The following EXOC4 variants were observed in gnomAD, a reference collection of about 807,000 sequenced individuals.
The protein encoded by EXOC4 is SEC8-like 1.
In EXOC4, 71 loss-of-function variants were observed where a neutral mutation model predicts 107.2. The ratio of observed to expected loss-of-function variants is 0.66; its 90% confidence interval spans 0.55 to 0.81. The LOEUF (loss-of-function observed/expected upper bound fraction) is 0.81. EXOC4 is among the 30% of genes least tolerant of loss of function. The pLI is 0.00. For synonymous variants in EXOC4, 456 were observed against 441.2 expected (o/e 1.03, Z -0.42); for missense variants, 1,108 against 1,189.6 (o/e 0.93, Z 1.01).
At chr7:133,434,876 C>G (rs559107944) in intron 7 of EXOC4, among the ~76,000 whole-genome samples, 1 of 151,922 alleles carries the variant, frequency 6.6e-6, no homozygotes, top group Non-Finnish European at 1.5e-5. Flanking sequence ...TGATAGAGAC[C>G]GATTGCTTTA....
intron 17 of EXOC4, among the ~76,000 whole-genome samples, chr7:134,016,635 G>C (rs1426305733): frequency 2.0e-5 from 3 of 152,208 alleles, no homozygotes; most frequent in African/African-American, 7.2e-5. Context: ...TACAGATTCA[G>C]ACCCCTGCTT....
chr7:133,378,912 C>A (rs1195183673), intron 7 of EXOC4, among the ~76,000 whole-genome samples: 7 of 151,968 alleles, frequency 4.6e-5, no homozygotes, highest in African/African-American at 1.7e-4. Context: ...CCAGATACTC[C>A]AGTTGAAAGA....
the EXOC4 span, among the ~76,000 whole-genome samples, chr7:134,088,388 C>G: frequency 3.3e-5 from 5 of 152,096 alleles, no homozygotes; most frequent in East Asian, 9.6e-4. Flanking sequence ...CAAATATGCT[C>G]CAAATTGTGT....
intron 10 of EXOC4, among the ~76,000 whole-genome samples, chr7:133,773,730 T>C (rs1165165124): frequency 6.6e-6 from 1 of 152,002 alleles, no homozygotes; most frequent in African/African-American, 2.4e-5. Flanking sequence ...ACTTATGTAC[T>C]CATTCATGCA....
intron 5 of EXOC4, among the ~76,000 whole-genome samples, chr7:133,341,171 C>G (rs1199381255): frequency 6.6e-6 from 1 of 152,072 alleles, no homozygotes; most frequent in East Asian, 1.9e-4. Context: ...GTGTTCAACG[C>G]TATGAAATTT....
chr7:133,488,257 G>C (rs1799307030), intron 9 of EXOC4, among the ~76,000 whole-genome samples: 1 of 152,124 alleles, frequency 6.6e-6, no homozygotes, highest in South Asian at 2.1e-4. Flanking sequence ...GTAGATTTTA[G>C]TGCTAGAAAG....
chr7:133,903,097 C>T (rs998194800), intron 12 of EXOC4, among the ~76,000 whole-genome samples: 14 of 151,898 alleles, frequency 9.2e-5, no homozygotes, highest in Non-Finnish European at 1.5e-4. Flanking sequence ...CAGGACGCTC[C>T]GGGACACTTT....
At chr7:134,069,231 T>C (rs76434946), downstream of EXOC4, among the ~76,000 whole-genome samples, 298 of 31,758 alleles carry the variant, frequency 9.4e-3, no homozygotes, top group East Asian at 0.033. Context: ...TCCTTCTTCT[T>C]CTCCTTATTC....
intron 11 of EXOC4, among the ~76,000 whole-genome samples, chr7:133,878,481 G>C (rs975107413): frequency 2.0e-5 from 3 of 152,160 alleles, no homozygotes; most frequent in African/African-American, 7.2e-5. Flanking sequence ...AATGTTTTTA[G>C]TGAGAATATA....
At chr7:133,281,836 G>C (rs1291975709) in intron 2 of EXOC4, among the ~76,000 whole-genome samples, 1 of 151,528 alleles carries the variant, frequency 6.6e-6, no homozygotes, top group East Asian at 1.9e-4. Context: ...CAAGTAGCTA[G>C]GATTATAGGT....
rs956539269 is a variant in EXOC4 at position 133,761,583 on chromosome 7, G to A, written c.1515-55742G>A. On this transcript the variant is annotated intron_variant, in intron 10 of 17. Coordinates refer to ENST00000253861, the MANE Select transcript of EXOC4 (RefSeq NM_021807.4). ...GCTGTTGACTCAGTGAAGTTCCCACGGCTGGCTTTGGCAACAGACCTAGGG... is the reference window on the plus strand; with the variant it reads ...GCTGTTGACTCAGTGAAGTTCCCACAGCTGGCTTTGGCAACAGACCTAGGG... Among the ~76,000 whole-genome samples the A allele has an allele frequency of 6.6e-5, 10 of 152,066 alleles. No individual in the cohort carries two copies. In the East Asian group the frequency reaches 9.6e-4, roughly 15 times the overall value.
At chr7:133,624,189 C>T (rs1017880127) in intron 9 of EXOC4, among the ~76,000 whole-genome samples, 4 of 152,154 alleles carry the variant, frequency 2.6e-5, no homozygotes, top group African/African-American at 7.2e-5. Context: ...ATGGGGCATG[C>T]CACTTCCTAT....
At chr7:133,857,096 T>A (rs1798391993) in intron 11 of EXOC4, among the ~76,000 whole-genome samples, 1 of 110,028 alleles carries the variant, frequency 9.1e-6, no homozygotes, top group African/African-American at 3.8e-5. Flanking sequence ...GACTCCGTCT[T>A]TATATATATA....
chr7:133,453,560 A>G (rs1393545725), intron 7 of EXOC4, among the ~76,000 whole-genome samples: 4 of 152,196 alleles, frequency 2.6e-5, no homozygotes, highest in African/African-American at 4.8e-5. Context: ...CTACTTTTCT[A>G]GAAAGTATCC....
intron 12 of EXOC4, among the ~76,000 whole-genome samples, chr7:133,905,289 C>T (rs1218473431): frequency 6.6e-6 from 1 of 152,168 alleles, no homozygotes; most frequent in African/African-American, 2.4e-5. Context: ...GTACCTCACT[C>T]TAGAGACAGA....
intron 14 of EXOC4, among the ~76,000 whole-genome samples, chr7:133,972,718 T>C (rs1801270573): frequency 6.6e-6 from 1 of 152,180 alleles, no homozygotes; most frequent in South Asian, 2.1e-4. Flanking sequence ...TTAGAGAATT[T>C]TTTGGTAATT....
At chr7:133,594,476 A>T (rs1801617029) in intron 9 of EXOC4, among the ~76,000 whole-genome samples, 1 of 136,374 alleles carries the variant, frequency 7.3e-6, no homozygotes, top group Admixed American at 7.8e-5. Flanking sequence ...TGAGACAAGA[A>T]ATACATAAGC....
At chr7:133,805,051 G>A (rs1797041326) in intron 10 of EXOC4, among the ~76,000 whole-genome samples, 1 of 152,114 alleles carries the variant, frequency 6.6e-6, no homozygotes, top group African/African-American at 2.4e-5. Flanking sequence ...GTAGTGTTAG[G>A]TGTTTCAGGT....
Position 133,983,603 on chromosome 7 carries a change from T to A in EXOC4, c.2207-13889T>A, listed in dbSNP as rs574286238. Among the ~76,000 whole-genome samples, 3 of 152,314 alleles carry A rather than the reference T, an allele frequency of 2.0e-5. No homozygotes were observed. The South Asian group carries it at 6.2e-4, about 32-fold the overall frequency. On this transcript the variant is annotated intron_variant, in intron 14 of 17. Transcript: ENST00000253861. Reference sequence around the variant, plus strand: ...CGTTCCCTAAGGCTCTTTGGAAGATTTACATATACTTAAGCTAGAAGGATC... The same window carrying A: ...CGTTCCCTAAGGCTCTTTGGAAGATATACATATACTTAAGCTAGAAGGATC...
Sources: allele counts gnomAD v4.1 joint callset (sites outside exome capture counted in the v4.1 genomes callset), GRCh38; gene constraint gnomAD v4.1.1; transcripts MANE v1.5; gene names NCBI Gene and HGNC (gene_info 2026-07-23, HGNC 2026-07-21).